The following EPHB1 variants were observed in gnomAD, a reference collection of about 807,000 sequenced individuals.
The protein encoded by EPHB1 is ephrin type-B receptor 1.
Under a neutral mutation model 94.4 loss-of-function variants are expected in EPHB1, and 30 were observed. The ratio of observed to expected loss-of-function variants is 0.32; its 90% confidence interval spans 0.24 to 0.43. The LOEUF (loss-of-function observed/expected upper bound fraction) is 0.43. Ranked by LOEUF, EPHB1 falls within the 20% of genes least tolerant of loss-of-function variation. The pLI, the probability that EPHB1 is intolerant of heterozygous loss-of-function variation, is 1.00. For missense variants in EPHB1, 1,055 were observed against 1,308.3 expected, an observed-to-expected ratio of 0.81 and a Z score of 2.99; for synonymous variants, 522 against 489.1, an observed-to-expected ratio of 1.07 and a Z score of -0.89.
intron 3 of EPHB1, among the ~76,000 whole-genome samples, chr3:135,088,228 A>G (rs1938430834): frequency 6.6e-6 from 1 of 152,070 alleles, no homozygotes; most frequent in Non-Finnish European, 1.5e-5. Flanking sequence ...TAGATAACTT[A>G]CCATAGTAAA....
chr3:134,853,278 G>A (rs1366933435), intron 1 of EPHB1, among the ~76,000 whole-genome samples: 1 of 152,232 alleles, frequency 6.6e-6, no homozygotes, highest in Non-Finnish European at 1.5e-5. Flanking sequence ...ACAGGGCCTA[G>A]CCCTCCCTGG....
intron 3 of EPHB1, among the ~76,000 whole-genome samples, chr3:135,056,358 C>T (rs550069842): frequency 7.2e-4 from 110 of 152,370 alleles, no homozygotes; most frequent in African/African-American, 2.5e-3. Flanking sequence ...GCTTGACACA[C>T]CCTTCCCCTG....
intron 12 of EPHB1, among the ~76,000 whole-genome samples, chr3:135,203,206 A>G (rs1188367788): frequency 6.6e-6 from 1 of 152,146 alleles, no homozygotes; most frequent in Admixed American, 6.5e-5. Flanking sequence ...ACACATGGAC[A>G]CATGTGACAC....
At chr3:135,230,084 T>A (rs556673408) in intron 12 of EPHB1, among the ~76,000 whole-genome samples, 14 of 152,016 alleles carry the variant, frequency 9.2e-5, no homozygotes, top group Non-Finnish European at 1.5e-4. Flanking sequence ...GAGGCATGGG[T>A]GCAGAGAGGC....
intron 3 of EPHB1, among the ~76,000 whole-genome samples, chr3:134,984,473 C>T (rs1447153752): frequency 6.6e-6 from 1 of 152,190 alleles, no homozygotes; most frequent in Non-Finnish European, 1.5e-5. Flanking sequence ...GCTGGGACAA[C>T]ATCAGAACAA....
At chr3:134,853,708 T>A (rs77684936) in intron 1 of EPHB1, among the ~76,000 whole-genome samples, 3 of 152,208 alleles carry the variant, frequency 2.0e-5, no homozygotes, top group African/African-American at 7.2e-5. Context: ...TGAACCTGCC[T>A]GCAGAAGCAC....
chr3:134,874,833 G>T (rs892607594), intron 1 of EPHB1, among the ~76,000 whole-genome samples: 3 of 152,196 alleles, frequency 2.0e-5, no homozygotes, highest in Admixed American at 6.5e-5. Context: ...GTAGTTACCC[G>T]ATGGGCTATT....
intron 1 of EPHB1, among the ~76,000 whole-genome samples, chr3:134,852,067 C>T (rs1413351818): frequency 6.6e-6 from 1 of 152,204 alleles, no homozygotes; most frequent in Non-Finnish European, 1.5e-5. Flanking sequence ...CATGTCCCTC[C>T]TGGCAGTCGG....
At chr3:135,158,386 A>C (rs1941416538) in intron 6 of EPHB1, among the ~76,000 whole-genome samples, 1 of 152,204 alleles carries the variant, frequency 6.6e-6, no homozygotes. Flanking sequence ...TTTTTGCCCC[A>C]ACTGCTATAG....
chr3:135,212,622 G>A (rs939726700), intron 12 of EPHB1, among the ~76,000 whole-genome samples: 1 of 152,140 alleles, frequency 6.6e-6, no homozygotes, highest in Non-Finnish European at 1.5e-5. Flanking sequence ...TTGTTATCTT[G>A]TTTCTAGGGA....
chr3:134,797,286 G>T (rs2035848436), intron 1 of EPHB1, among the ~76,000 whole-genome samples: 1 of 152,212 alleles, frequency 6.6e-6, no homozygotes, highest in African/African-American at 2.4e-5. Flanking sequence ...CTGGCGCAGG[G>T]ATGCCTGGGT....
At chr3:134,962,509 G>T (rs564520719) in intron 3 of EPHB1, among the ~76,000 whole-genome samples, 7 of 152,252 alleles carry the variant, frequency 4.6e-5, no homozygotes, top group Admixed American at 2.6e-4. Flanking sequence ...GGTGCTTGAC[G>T]CTGGAAGACC....
intron 4 of EPHB1, among the ~76,000 whole-genome samples, chr3:135,121,775 G>A (rs1211583140): frequency 6.6e-6 from 1 of 152,040 alleles, no homozygotes; most frequent in Non-Finnish European, 1.5e-5. Context: ...TGCTTCACAG[G>A]GCCTTCAGGT....
intron 1 of EPHB1, among the ~76,000 whole-genome samples, chr3:134,821,505 G>T (rs1171773579): frequency 2.0e-5 from 3 of 151,992 alleles, no homozygotes; most frequent in Non-Finnish European, 4.4e-5. Context: ...GAAAAAGTTA[G>T]GGTAAAGATA....
intron 3 of EPHB1, among the ~76,000 whole-genome samples, chr3:135,103,969 A>G (rs1328505005): frequency 6.6e-6 from 1 of 152,254 alleles, no homozygotes; most frequent in African/African-American, 2.4e-5. Context: ...TATGCTGTTA[A>G]CTTATTAAAT....
At chr3:135,182,146 C>T (rs1942171853) in intron 10 of EPHB1, among the ~76,000 whole-genome samples, 1 of 152,196 alleles carries the variant, frequency 6.6e-6, no homozygotes, top group Non-Finnish European at 1.5e-5. Context: ...TCTACCATCA[C>T]TCTCATTTCC....
chr3:135,134,908 C>T (rs1380069026), intron 5 of EPHB1, among the ~76,000 whole-genome samples: 1 of 152,092 alleles, frequency 6.6e-6, no homozygotes, highest in African/African-American at 2.4e-5. Flanking sequence ...CCTTCTCTTA[C>T]CCTGCTATTC....
intron 1 of EPHB1, among the ~76,000 whole-genome samples, chr3:134,826,578 C>T (rs1486715960): frequency 6.6e-6 from 1 of 152,098 alleles, no homozygotes; most frequent in Non-Finnish European, 1.5e-5. Flanking sequence ...TTTCATTCTC[C>T]ACTATAAATG....
At chr3:134,926,260 C>A (rs1218976644) in intron 2 of EPHB1, among the ~76,000 whole-genome samples, 2 of 152,242 alleles carry the variant, frequency 1.3e-5, no homozygotes, top group African/African-American at 4.8e-5. Context: ...GCTAAGCTCT[C>A]TTTCACCTAG....
Sources: allele counts gnomAD v4.1 joint callset (sites outside exome capture counted in the v4.1 genomes callset), GRCh38; gene constraint gnomAD v4.1.1; transcripts MANE v1.5; gene names NCBI Gene and HGNC (gene_info 2026-07-23, HGNC 2026-07-21).